The following DCUN1D4 variants were observed in gnomAD, a reference collection of about 807,000 sequenced individuals.
DCUN1D4 encodes the protein DCN1-like protein 4.
DCUN1D4 carries 22 observed loss-of-function variants against 47.9 expected under a neutral mutation model. The observed-to-expected ratio is 0.46, with a 90% CI of 0.33 to 0.66. The LOEUF is 0.66. DCUN1D4 is among the 30% of genes least tolerant of loss of function. The probability of loss-of-function intolerance (pLI) is 0.02; values close to 1 mark genes in which losing one functional copy is unlikely to be tolerated. For missense variants in DCUN1D4, 301 were observed against 340.8 expected (o/e 0.88, Z 0.92); for synonymous variants, 121 against 112.2 (o/e 1.08, Z -0.50).
chr4:51,876,200 A>G (rs1727640930), intron 4 of DCUN1D4, among the ~76,000 whole-genome samples: 1 of 152,198 alleles, frequency 6.6e-6, no homozygotes, highest in African/African-American at 2.4e-5. Context: ...GGATCAAGAA[A>G]ATGTGGCACA....
intron 1 of DCUN1D4, among the ~76,000 whole-genome samples, chr4:51,854,188 GC>G: frequency 6.6e-6 from 1 of 152,236 alleles, no homozygotes; most frequent in Non-Finnish European, 1.5e-5. Flanking sequence ...TGAGACCTGT[GC>G]CATGTCATGT....
chr4:51,846,136 C>A (rs982572396), intron 1 of DCUN1D4, among the ~76,000 whole-genome samples: 10 of 152,252 alleles, frequency 6.6e-5, no homozygotes, highest in African/African-American at 2.4e-4. Flanking sequence ...GCTTTTTATA[C>A]ACATATAGCC....
At chr4:51,887,070 C>A in intron 6 of DCUN1D4, 1 of 445,096 alleles carries the variant, frequency 2.2e-6, no homozygotes, top group Non-Finnish European at 4.5e-6. Context: ...TTTCATAGAT[C>A]GTTTACTTCC....
intron 6 of DCUN1D4, among the ~76,000 whole-genome samples, chr4:51,891,160 T>C (rs1196867319): frequency 6.6e-6 from 1 of 152,270 alleles, no homozygotes; most frequent in Non-Finnish European, 1.5e-5. Context: ...GTCCACCTTG[T>C]TATGTTTTAA....
At chr4:51,890,915 C>G (rs1264299388) in intron 6 of DCUN1D4, among the ~76,000 whole-genome samples, 1 of 152,236 alleles carries the variant, frequency 6.6e-6, no homozygotes, top group East Asian at 1.9e-4. Flanking sequence ...AGAGTTGTCA[C>G]TGTTTCTGAA....
intron 5 of DCUN1D4, 100 bp from the exon 6 acceptor site, chr4:51,886,468 T>C (rs958332084): frequency 4.0e-6 from 4 of 991,392 alleles, no homozygotes; most frequent in Non-Finnish European, 5.8e-6. Flanking sequence ...AAGGAGTTAA[T>C]GGCCTTTAAG....
chr4:51,845,130 A>G, intron 1 of DCUN1D4: 5 of 985,510 alleles, frequency 5.1e-6, no homozygotes, highest in Non-Finnish European at 6.0e-6. Context: ...AAAACATTTA[A>G]GAAGCAACAC....
chr4:51,867,355 G>A (rs116134706), intron 3 of DCUN1D4, among the ~76,000 whole-genome samples: 1 of 152,260 alleles, frequency 6.6e-6, no homozygotes, highest in African/African-American at 2.4e-5. Context: ...GTGGCAAGTG[G>A]CAAGGGGTGC....
chr4:51,914,213 G>A lies in DCUN1D4; in HGVS notation c.*629G>A, dbSNP rs1734102568. The A allele has an allele frequency of 6.6e-6, 1 of 152,176 alleles. No individual in the cohort carries two copies. The highest frequency in any genetic ancestry group is 2.1e-4 in the South Asian group (1 of 4,828). 9.4% of individuals were successfully genotyped at this position (152,176 alleles called of 1,614,324 possible). ...ACATGCCACAAATCATTTCTACCAT[G>A]CAAGGTGTATAAGTTGTTTATTTTT... On this transcript the variant is annotated 3_prime_UTR_variant, in exon 11 of 11. Coordinates refer to ENST00000334635, the MANE Select transcript of DCUN1D4 (RefSeq NM_001040402.3).
upstream of DCUN1D4, among the ~76,000 whole-genome samples, chr4:51,838,477 G>A (rs1721551895): frequency 2.6e-5 from 4 of 152,098 alleles, no homozygotes; most frequent in South Asian, 8.3e-4. Context: ...CACCCATAGG[G>A]CTCAAGGGAT....
chr4:51,843,625 CG>C, intron 1 of DCUN1D4: 1 of 550,238 alleles, frequency 1.8e-6, no homozygotes, highest in Non-Finnish European at 2.1e-6. Flanking sequence ...CGGGCAGGGC[CG>C]GGGATGTGGG....
intron 1 of DCUN1D4, among the ~76,000 whole-genome samples, chr4:51,847,132 G>A (rs1722676238): frequency 6.6e-6 from 1 of 152,200 alleles, no homozygotes; most frequent in Admixed American, 6.5e-5. Flanking sequence ...GAAGAAGGGT[G>A]AGAAGAATGC....
In DCUN1D4 at chr4:51,870,326, T is replaced by G. The variant is rs999541934; in HGVS notation, c.137-3945T>G. On this transcript the variant is annotated intron_variant, in intron 3 of 10. Coordinates refer to ENST00000334635, the MANE Select transcript of DCUN1D4 (RefSeq NM_001040402.3). ...GAAATTATTTATATTTAAGTATTTT[T>G]ATCATAAAAAAATCACAGTTATTTT... Among the ~76,000 whole-genome samples, 10 of 152,202 alleles carry G rather than the reference T, an allele frequency of 6.6e-5. No homozygotes were observed. In the East Asian group the frequency reaches 1.9e-3, roughly 29 times the overall value.
intron 3 of DCUN1D4, among the ~76,000 whole-genome samples, 175 bp downstream of exon 3, chr4:51,863,884 G>A (rs1358574449): frequency 1.3e-5 from 2 of 152,180 alleles, no homozygotes; most frequent in African/African-American, 4.8e-5. Context: ...CTTCTTCCCA[G>A]TAGGAAATCT....
chr4:51,899,407 T>C, intron 8 of DCUN1D4, 29 bp downstream of exon 8: 1 of 1,569,734 alleles, frequency 6.4e-7, no homozygotes, highest in Non-Finnish European at 8.6e-7. Context: ...ATCCAGATGT[T>C]TCCCTCTCTT....
At chr4:51,879,063 G>C (rs1728126762) in intron 5 of DCUN1D4, among the ~76,000 whole-genome samples, 1 of 152,104 alleles carries the variant, frequency 6.6e-6, no homozygotes, top group African/African-American at 2.4e-5. Flanking sequence ...TGGAGGACTC[G>C]AGAGGTTATA....
chr4:51,849,618 C>A (rs1196373683), intron 1 of DCUN1D4, among the ~76,000 whole-genome samples: 1 of 152,094 alleles, frequency 6.6e-6, no homozygotes, highest in Non-Finnish European at 1.5e-5. Context: ...CAGTCGATAT[C>A]AGCTGTGGGT....
At chr4:51,841,351 A>T (rs1721640205), upstream of DCUN1D4, among the ~76,000 whole-genome samples, 2 of 152,196 alleles carry the variant, frequency 1.3e-5, no homozygotes, top group Non-Finnish European at 2.9e-5. Context: ...AAATAGAATA[A>T]AGAATGCAGG....
At chr4:51,883,462 A>C (rs1439175143) in intron 5 of DCUN1D4, among the ~76,000 whole-genome samples, 1 of 152,232 alleles carries the variant, frequency 6.6e-6, no homozygotes, top group Non-Finnish European at 1.5e-5. Flanking sequence ...TGCACTCTCA[A>C]ACCAAAGAAA....
Sources: allele counts gnomAD v4.1 joint callset (sites outside exome capture counted in the v4.1 genomes callset), GRCh38; gene constraint gnomAD v4.1.1; transcripts MANE v1.5; gene names NCBI Gene and HGNC (gene_info 2026-07-23, HGNC 2026-07-21).